NDNF: variants seen among roughly 807,000 people sequenced by gnomAD.
The protein encoded by NDNF is neuron derived neurotrophic factor.
A neutral mutation model predicts 42.0 loss-of-function variants in NDNF; 16 were observed. The observed-to-expected ratio is 0.38, with a 90% CI of 0.26 to 0.58. The LOEUF (loss-of-function observed/expected upper bound fraction) is 0.58. Ranked by LOEUF, NDNF falls within the 20% of genes least tolerant of loss-of-function variation. NDNF has a pLI of 0.67. For missense variants in NDNF, 616 were observed against 666.2 expected (o/e 0.92, Z 0.83); for synonymous variants, 248 against 251.7 (o/e 0.99, Z 0.14).
chr4:121,068,987 C>T (rs372992070), intron 1 of NDNF, among the ~76,000 whole-genome samples: 41 of 152,206 alleles, frequency 2.7e-4, no homozygotes, highest in African/African-American at 8.7e-4. Flanking sequence ...AAGAGAATTG[C>T]TATAGAAATA....
At chr4:121,054,695 G>T (rs1280557506) in intron 1 of NDNF, among the ~76,000 whole-genome samples, 1 of 152,244 alleles carries the variant, frequency 6.6e-6, no homozygotes, top group African/African-American at 2.4e-5. Flanking sequence ...TAAGCTTGAG[G>T]TATTGACAAA....
At chr4:121,065,772 G>C (rs914429928) in intron 1 of NDNF, among the ~76,000 whole-genome samples, 6 of 151,370 alleles carry the variant, frequency 4.0e-5, no homozygotes, top group Admixed American at 3.9e-4. Flanking sequence ...ACATATATAT[G>C]TATAAAATAA....
chr4:121,060,302 G>A (rs2136950), intron 1 of NDNF, among the ~76,000 whole-genome samples: 129,942 of 151,830 alleles, frequency 0.86, 55,775 homozygotes, highest in Non-Finnish European at 0.88. Context: ...CACCTCAGCC[G>A]CCTAAGTAGC....
At chr4:121,045,885 TCAGGC>T in intron 1 of NDNF, 47 bp from the exon 2 acceptor site, 6 of 1,561,676 alleles carry the variant, frequency 3.8e-6, no homozygotes, top group Non-Finnish European at 5.2e-6. Flanking sequence ...AGGCAGACAC[TCAGGC>T]AAGTCACAGA....
intron 1 of NDNF, among the ~76,000 whole-genome samples, chr4:121,047,087 G>C (rs1430330326): frequency 6.6e-6 from 1 of 152,044 alleles, no homozygotes; most frequent in Non-Finnish European, 1.5e-5. Context: ...TTTTTAAATG[G>C]ACATTACTAT....
At chr4:121,043,021 A>G (rs1406588700) in intron 2 of NDNF, among the ~76,000 whole-genome samples, 1 of 152,202 alleles carries the variant, frequency 6.6e-6, no homozygotes, top group African/African-American at 2.4e-5. Context: ...ATGATTAGGG[A>G]TAAATGATAA....
intron 1 of NDNF, chr4:121,071,550 G>A (rs536321149): frequency 6.6e-6 from 1 of 152,328 alleles, no homozygotes; most frequent in South Asian, 2.1e-4. Context: ...CCTGGAAAGG[G>A]AGGCAACAGC....
At chr4:121,040,492 A>G (rs913084614) in intron 2 of NDNF, among the ~76,000 whole-genome samples, 1 of 152,184 alleles carries the variant, frequency 6.6e-6, no homozygotes, top group Non-Finnish European at 1.5e-5. Context: ...TTTGTACATT[A>G]ACTTGAGGGC....
chr4:121,039,857 G>GA, intron 3 of NDNF, 73 bp downstream of exon 3: 1 of 1,520,540 alleles, frequency 6.6e-7, no homozygotes, highest in Non-Finnish European at 8.8e-7. Context: ...CTAACACATA[G>GA]AAGGTTGTAT....
chr4:121,054,941 C>T lies in NDNF; in HGVS notation c.-1-9103G>A, dbSNP rs75432275. On this transcript the variant is annotated intron_variant, in intron 1 of 3. Coordinates refer to ENST00000379692, the MANE Select transcript of NDNF (RefSeq NM_024574.4). The stretch of plus-strand genomic sequence containing the variant: ...ACCTCCTGAGCTCAACAGATCCTTC[C>T]GCCTCAGCCTTCTGAGTAGCTGGGA... Among the ~76,000 whole-genome samples, 115 of 152,194 alleles carry T rather than the reference C, an allele frequency of 7.6e-4. No homozygotes were observed. The East Asian group carries it at 0.014, about 19-fold the overall frequency.
intron 3 of NDNF, among the ~76,000 whole-genome samples, chr4:121,039,243 A>C (rs1726953418): frequency 1.5e-5 from 2 of 133,398 alleles, no homozygotes; most frequent in African/African-American, 2.9e-5. Flanking sequence ...TATAAAGACT[A>C]TGTATATATA....
chr4:121,036,881 G>A lies in NDNF; in HGVS notation c.1090C>T (p.Arg364Trp), dbSNP rs151063601. 1.6e-5 allele frequency: 26 copies of A among 1,613,862 alleles called. No individual in the cohort carries two copies. The highest frequency in any genetic ancestry group is 4.0e-5 in the African/African-American group (3 of 74,888). ...TGGTGAGAAGAGACTGGAGCAAACC[G>A]TAGAAACTTTGCTCCCTTCCTTTTA... ...FVKRKGAKFL[R>W]FAPVSSHQKV... Residue 364 changes from arginine to tryptophan, a missense_variant, in exon 4 of 4, where the codon CGG becomes TGG. Transcript: ENST00000379692.
In NDNF at chr4:121,036,450, C is replaced by G. The variant is rs1726866247; in HGVS notation, c.1521G>C (p.Arg507Ser). 6.2e-7 allele frequency: 1 copy of G among 1,614,174 alleles called. No individual in the cohort carries two copies. The highest frequency in any genetic ancestry group is 2.2e-5 in the East Asian group (1 of 44,882). Residue 507 changes from arginine to serine, a missense_variant, in exon 4 of 4, where the codon AGG becomes AGC. Coordinates refer to ENST00000379692, the MANE Select transcript of NDNF (RefSeq NM_024574.4). ...TACAGAGGACCTTTTCTGACTTCTT[C>G]CTTATATCTGGTCCTAGACATTGGT... Reference protein sequence around the residue: ...EQNQCLGPDIRKKSEKVLCKY... With the variant: ...EQNQCLGPDISKKSEKVLCKY...
chr4:121,057,807 A>G (rs556702221), intron 1 of NDNF, among the ~76,000 whole-genome samples: 15 of 152,314 alleles, frequency 9.8e-5, no homozygotes, highest in African/African-American at 2.6e-4. Flanking sequence ...TCTCCGGGGA[A>G]ATTCTTAATA....
At chr4:121,071,937 G>A (rs1194037955) in intron 1 of NDNF, 56 bp downstream of exon 1, 2 of 152,226 alleles carry the variant, frequency 1.3e-5, no homozygotes, top group South Asian at 2.1e-4. Flanking sequence ...CTAGGTCTCA[G>A]GGTGGCGGGC....
In NDNF at chr4:121,037,444, A is replaced by G. The variant is rs375928199; in HGVS notation, c.527T>C (p.Leu176Ser). ...TPESDQPYPE[L>S]PYDPRVDVTS... is the part of the protein sequence containing the mutation. ...CACATCTACTCTTGGGTCATAGGGT[A>G]ACTCAGGGTATGGCTGATCAGATTC... is the stretch of plus-strand genomic sequence containing the variant. Residue 176 changes from leucine (L) to serine (S), a missense_variant, in exon 4 of 4, where the codon TTA becomes TCA. Physicochemically the swap from Leu to Ser is moderately radical, Grantham distance 145. Transcript: ENST00000379692. The G allele has an allele frequency of 9.9e-6, 16 of 1,614,066 alleles. 1 individual carries two copies. The African/African-American group carries it at 1.9e-4, about 19-fold the overall frequency.
At chr4:121,057,930 C>A (rs751573668) in intron 1 of NDNF, among the ~76,000 whole-genome samples, 8 of 152,176 alleles carry the variant, frequency 5.3e-5, no homozygotes, top group African/African-American at 7.2e-5. Flanking sequence ...CCCCTGGGAA[C>A]CTTAGAGGCC....
intron 3 of NDNF, 137 bp from the exon 4 acceptor site, chr4:121,037,794 A>T: frequency 3.4e-6 from 2 of 587,026 alleles, no homozygotes; most frequent in Non-Finnish European, 5.8e-6. Flanking sequence ...TTATAAATGT[A>T]TTCAAGATAA....
chr4:121,042,920 T>C (rs1031195649), intron 2 of NDNF, among the ~76,000 whole-genome samples: 14 of 152,138 alleles, frequency 9.2e-5, no homozygotes, highest in Non-Finnish European at 1.8e-4. Context: ...CAGTTACAAA[T>C]AAAACAATGC....
Sources: allele counts gnomAD v4.1 joint callset (sites outside exome capture counted in the v4.1 genomes callset), GRCh38; gene constraint gnomAD v4.1.1; transcripts MANE v1.5; gene names NCBI Gene and HGNC (gene_info 2026-07-23, HGNC 2026-07-21).